Variants in ABHD13 observed in about 807,000 individuals in gnomAD.
ABHD13 encodes the protein protein ABHD13.
ABHD13 carries 7 observed loss-of-function variants against 25.2 expected under a neutral mutation model. The ratio of observed to expected loss-of-function variants is 0.28; its 90% confidence interval spans 0.16 to 0.52. The LOEUF (loss-of-function observed/expected upper bound fraction) is 0.52, where lower values mean the gene tolerates loss of function less well. ABHD13 is among the 20% of genes least tolerant of loss of function. The probability of loss-of-function intolerance (pLI) is 0.96; values close to 1 mark genes in which losing one functional copy is unlikely to be tolerated. For missense variants in ABHD13, 302 were observed against 402.7 expected (o/e 0.75, Z 2.14); for synonymous variants, 133 against 136.1 (o/e 0.98, Z 0.16).
At position 108,229,461 on chromosome 13, in the gene ABHD13, C is replaced by T. The variant is rs183867291; in HGVS notation, c.243C>T (p.Pro81=). ...PSSSRLYVPM[P]TGIPHENIFI... is the part of the protein sequence containing the mutation. ...CTTCACGTCTTTATGTTCCCATGCC[C>T]ACTGGCATTCCACATGAAAACATTT... Residue 81 remains proline, a synonymous_variant, in exon 2 of 2, where the codon CCC becomes CCT. Coordinates refer to ENST00000375898, the MANE Select transcript of ABHD13 (RefSeq NM_032859.3). This position sits in a 1 kb window ranked among gnomAD's most constrained non-coding sequence, Gnocchi z 4.7. The T allele has an allele frequency of 1.2e-4, 193 of 1,613,484 alleles. No homozygotes were observed. The highest frequency in any genetic ancestry group is 1.6e-4 in the Non-Finnish European group (183 of 1,179,592).
chr13:108,221,794 T>C (rs1055207229), intron 1 of ABHD13, among the ~76,000 whole-genome samples: 22 of 152,156 alleles, frequency 1.4e-4, no homozygotes, highest in Non-Finnish European at 2.9e-4. Context: ...GACCATTTGC[T>C]GGTGGCAGAA....
rs1357155847 is a variant in ABHD13, at chr13:108,234,204, G to T, written c.*3972G>T. 6.0e-6 allele frequency: 1 copy of T among 166,536 alleles called. No individual in the cohort carries two copies. Among genetic ancestry groups the T allele is most frequent in the Non-Finnish European group, 1.5e-5 (1 of 67,918 alleles). The allele number at this position is 166,536 out of a possible 1,614,324, so 10.3% of individuals were successfully genotyped here. On this transcript the variant is annotated 3_prime_UTR_variant, in exon 2 of 2. Transcript: ENST00000375898. ...TTTAAAATATACTTTCTATTTTTCT[G>T]TACTGACATATGCAATAAATTGGTA...
Position 108,229,179 on chromosome 13 carries a change from T to C in ABHD13, c.-20-20T>C, listed in dbSNP as rs772538544. On this transcript the variant is annotated intron_variant, in intron 1 of 1. Coordinates refer to ENST00000375898, the MANE Select transcript of ABHD13 (RefSeq NM_032859.3). The surrounding 1 kb of genome is among the most constrained non-coding windows in gnomAD (Gnocchi z 4.7). ...ATAGATAGACGTTGAATTATTGATA[T>C]TCTCCCTCTCTCTCTCTAGGATACT... 214 of 1,468,928 alleles carry C rather than the reference T, an allele frequency of 1.5e-4. 1 individual carries two copies. The highest frequency in any genetic ancestry group is 1.9e-4 in the Non-Finnish European group (208 of 1,096,596). 91.0% of individuals were successfully genotyped at this position (1,468,928 alleles called of 1,614,324 possible). A position where few individuals can be genotyped will look rare whatever the true frequency, so the allele number is the denominator to read the frequency against.
intron 1 of ABHD13, among the ~76,000 whole-genome samples, chr13:108,220,114 T>C (rs187395109): frequency 1.3e-5 from 2 of 152,330 alleles, no homozygotes. Flanking sequence ...CGAGGAAATA[T>C]ATATTTAGAG....
intron 1 of ABHD13, among the ~76,000 whole-genome samples, chr13:108,222,526 G>A (rs1249854919): frequency 2.6e-5 from 4 of 152,126 alleles, no homozygotes; most frequent in Admixed American, 6.5e-5. Flanking sequence ...GTATGGAACC[G>A]TGGTTCTCAA....
rs1233707387 is a variant in ABHD13, at chr13:108,233,679, G to A, written c.*3447G>A. 1 of 166,396 alleles carries A rather than the reference G, an allele frequency of 6.0e-6. No homozygotes were observed. The highest frequency in any genetic ancestry group is 2.4e-5 in the African/African-American group (1 of 41,342). 10.3% of individuals were successfully genotyped at this position (166,396 alleles called of 1,614,324 possible). The stretch of plus-strand genomic sequence containing the variant: ...AAATTGATAGGGTAGAAAATGAAAT[G>A]TACTTCTGTTTATTCTTAATACTAT... On this transcript the variant is annotated 3_prime_UTR_variant, in exon 2 of 2. Coordinates refer to ENST00000375898, the MANE Select transcript of ABHD13 (RefSeq NM_032859.3).
chr13:108,222,084 C>A (rs1319012038), intron 1 of ABHD13, among the ~76,000 whole-genome samples: 1 of 152,084 alleles, frequency 6.6e-6, no homozygotes, highest in Non-Finnish European at 1.5e-5. Flanking sequence ...AGGCAATCCA[C>A]CTGTCTTGGC....
intron 1 of ABHD13, among the ~76,000 whole-genome samples, chr13:108,221,924 G>A (rs1213931479): frequency 6.6e-6 from 1 of 151,124 alleles, no homozygotes; most frequent in African/African-American, 2.4e-5. Context: ...CTGCAACCTC[G>A]ACTCCTGGGT....
intron 1 of ABHD13, among the ~76,000 whole-genome samples, chr13:108,223,172 G>A (rs572109260): frequency 1.3e-5 from 2 of 152,330 alleles, no homozygotes; most frequent in Non-Finnish European, 2.9e-5. Flanking sequence ...ATGGAGTTAT[G>A]CAGATTTTTC....
In ABHD13 at chr13:108,230,318, CCTGTCTGAAGAGTGACATTAAA is replaced by C; in HGVS notation, c.*89_*110del. ...CTTTTAGAAGTGTGTTATGTCTGTA[CCTGTCTGAAGAGTGACATTAAA>C]CTTTGAAAGGACTTCACTGCTCCTT... On this transcript the variant is annotated 3_prime_UTR_variant, in exon 2 of 2. Transcript: ENST00000375898. 8.5e-7 allele frequency: 1 copy of C among 1,179,874 alleles called. No homozygotes were observed. The highest frequency in any genetic ancestry group is 1.2e-6 in the Non-Finnish European group (1 of 856,028). 73.1% of individuals were successfully genotyped at this position (1,179,874 alleles called of 1,614,324 possible).
chr13:108,227,365 A>G (rs923536294), intron 1 of ABHD13, among the ~76,000 whole-genome samples: 1 of 152,102 alleles, frequency 6.6e-6, no homozygotes, highest in Non-Finnish European at 1.5e-5. Context: ...TAGATATTAG[A>G]GATGCAATAG....
At chr13:108,228,472 CATT>C (rs1414788723) in intron 1 of ABHD13, among the ~76,000 whole-genome samples, 2 of 151,960 alleles carry the variant, frequency 1.3e-5, no homozygotes, top group South Asian at 2.1e-4. Flanking sequence ...AAAGATAAAT[CATT>C]AATAATTTTC....
chr13:108,234,114 C>T lies in ABHD13; in HGVS notation c.*3882C>T, dbSNP rs1879872460. On this transcript the variant is annotated 3_prime_UTR_variant, in exon 2 of 2. Transcript: ENST00000375898. Reference sequence around the variant, plus strand: ...AATTTTATAACTCAAATTTGAATGTCATAGTACATTGTGTGCTAACCATGG... The same window carrying T: ...AATTTTATAACTCAAATTTGAATGTTATAGTACATTGTGTGCTAACCATGG... 1 of 166,864 alleles carries T rather than the reference C, an allele frequency of 6.0e-6. No individual in the cohort carries two copies. The highest frequency in any genetic ancestry group is 1.9e-4 in the East Asian group (1 of 5,192). 10.3% of individuals were successfully genotyped at this position (166,864 alleles called of 1,614,324 possible).
chr13:108,226,186 T>C lies in ABHD13; in HGVS notation c.-20-3013T>C, dbSNP rs141256204. Among the ~76,000 whole-genome samples the C allele has an allele frequency of 8.4e-5, 12 of 142,726 alleles. No homozygotes were observed. In the East Asian group the frequency reaches 2.1e-3, roughly 25 times the overall value. The allele number at this position is 142,726 out of a possible 152,430, so 93.6% of individuals were successfully genotyped here. On this transcript the variant is annotated intron_variant, in intron 1 of 1. Coordinates refer to ENST00000375898, the MANE Select transcript of ABHD13 (RefSeq NM_032859.3). The stretch of plus-strand genomic sequence containing the variant: ...TTTTGAAAACCCAACATGTCAGTGT[T>C]AGGTATATTGTTCCAGATGATAGCT...
chr13:108,229,930 C>T lies in ABHD13; in HGVS notation c.712C>T (p.Leu238Phe). 2 of 1,613,250 alleles carry T rather than the reference C, an allele frequency of 1.2e-6. No individual in the cohort carries two copies. Among genetic ancestry groups the T allele is most frequent in the Non-Finnish European group, 1.7e-6 (2 of 1,179,466 alleles). Residue 238 changes from leucine to phenylalanine, a missense_variant, in exon 2 of 2, where the codon CTT (leucine) becomes TTT (phenylalanine). Coordinates refer to ENST00000375898, the MANE Select transcript of ABHD13 (RefSeq NM_032859.3). This position sits in a 1 kb window ranked among gnomAD's most constrained non-coding sequence, Gnocchi z 4.7. ...ATTTTCATTCTTTCCGATGCGTTAC[C>T]TTCCTTTATGGTGCTACAAAAATAA... ...TLFSFFPMRY[L>F]PLWCYKNKFL...
rs1249903278 is a variant in ABHD13, at chr13:108,229,309, T to C, written c.91T>C (p.Leu31=). 6.2e-7 allele frequency: 1 copy of C among 1,611,420 alleles called. No homozygotes were observed. The highest frequency in any genetic ancestry group is 1.3e-5 in the African/African-American group (1 of 74,844). ...TTGGGCTCTCTGCCGTATTTCTCTT[T>C]TACCTTTAATAGTGACTTTTCATCT... ...WSWALCRISL[L]PLIVTFHLYG... The change falls in exon 2 of 2, where the codon TTA becomes CTA. Residue 31 remains leucine (L), a synonymous_variant. Coordinates refer to ENST00000375898, the MANE Select transcript of ABHD13 (RefSeq NM_032859.3). The surrounding 1 kb of genome is among the most constrained non-coding windows in gnomAD (Gnocchi z 4.7).
Position 108,233,097 on chromosome 13 carries a change from A to G in ABHD13, c.*2865A>G. 1 of 166,962 alleles carries G rather than the reference A, an allele frequency of 6.0e-6. No individual in the cohort carries two copies. The allele number at this position is 166,962 out of a possible 1,614,324, so 10.3% of individuals were successfully genotyped here. On this transcript the variant is annotated 3_prime_UTR_variant, in exon 2 of 2. Coordinates refer to ENST00000375898, the MANE Select transcript of ABHD13 (RefSeq NM_032859.3). The stretch of plus-strand genomic sequence containing the variant: ...CTGTTAAAATGGATATTTTCATAAA[A>G]ATGGTGTTCTGAATTTTGCTACAGG...
rs1048059075 is a variant in ABHD13, at chr13:108,232,136, A to G, written c.*1904A>G. ...AAAAAAAACCTTATGTTTTTATGTA[A>G]TCAGTCATTACACTAGGGAGAAATT... On this transcript the variant is annotated 3_prime_UTR_variant, in exon 2 of 2. Transcript: ENST00000375898. The G allele has an allele frequency of 3.0e-5, 5 of 166,672 alleles. No homozygotes were observed. Among genetic ancestry groups the G allele is most frequent in the Admixed American group, 6.6e-5 (1 of 15,248 alleles). 10.3% of individuals were successfully genotyped at this position (166,672 alleles called of 1,614,324 possible).
chr13:108,232,408 G>A lies in ABHD13; in HGVS notation c.*2176G>A, dbSNP rs1294212778. ...TGTGCCTAGGGCTATACCACCACTAGCATCTGTATTTGAGACTGTTTCCTT... is the reference window on the plus strand; with the variant it reads ...TGTGCCTAGGGCTATACCACCACTAACATCTGTATTTGAGACTGTTTCCTT... On this transcript the variant is annotated 3_prime_UTR_variant, in exon 2 of 2. Transcript: ENST00000375898. The A allele has an allele frequency of 6.0e-6, 1 of 166,920 alleles. No individual in the cohort carries two copies. Among genetic ancestry groups the A allele is most frequent in the Non-Finnish European group, 1.5e-5 (1 of 68,042 alleles). The allele number at this position is 166,920 out of a possible 1,614,324, so 10.3% of individuals were successfully genotyped here.
Sources: allele counts gnomAD v4.1 joint callset (sites outside exome capture counted in the v4.1 genomes callset), GRCh38; gene constraint gnomAD v4.1.1; non-coding constraint Gnocchi (gnomAD v3.1); transcripts MANE v1.5; gene names NCBI Gene and HGNC (gene_info 2026-07-23, HGNC 2026-07-21).